The following RYR3 variants were observed in gnomAD, a reference collection of about 807,000 sequenced individuals.
RYR3 encodes brain ryanodine receptor-calcium release channel.
Under a neutral mutation model 584.3 loss-of-function variants are expected in RYR3, and 207 were observed. That is an observed-to-expected ratio of 0.35 (90% CI 0.32 to 0.40). The LOEUF (loss-of-function observed/expected upper bound fraction) is 0.40. Ranked by LOEUF, RYR3 falls within the 10% of genes least tolerant of loss-of-function variation. The pLI is 1.00. For synonymous variants in RYR3, 2,416 were observed against 2,248.5 expected (o/e 1.07, Z -2.11); for missense variants, 5,616 against 6,089.2 (o/e 0.92, Z 2.59).
chr15:33,462,606 T>C (rs1174924467), intron 1 of RYR3, among the ~76,000 whole-genome samples: 1 of 152,050 alleles, frequency 6.6e-6, no homozygotes, highest in African/African-American at 2.4e-5. Flanking sequence ...GAACCAATGA[T>C]AAATAGGAAG....
intron 12 of RYR3, among the ~76,000 whole-genome samples, chr15:33,572,904 G>A (rs144306226): frequency 0.021 from 3,135 of 152,314 alleles, 46 homozygotes; most frequent in Middle Eastern, 0.037. Flanking sequence ...AACCCAAGAG[G>A]TGGAGGTTGC....
intron 7 of RYR3, among the ~76,000 whole-genome samples, chr15:33,543,146 T>C (rs867303227): frequency 6.6e-6 from 1 of 152,154 alleles, no homozygotes; most frequent in Non-Finnish European, 1.5e-5. Context: ...TGTTGCCTTC[T>C]CCTAAAGGGT....
At chr15:33,723,834 T>C (rs945629994) in intron 44 of RYR3, among the ~76,000 whole-genome samples, 2 of 152,220 alleles carry the variant, frequency 1.3e-5, no homozygotes, top group African/African-American at 4.8e-5. Flanking sequence ...ATGTCGGTAC[T>C]CATGCCTTAA....
intron 19 of RYR3, among the ~76,000 whole-genome samples, 153 bp from the exon 20 acceptor site, chr15:33,623,654 T>C (rs1425258767): frequency 1.3e-5 from 2 of 152,224 alleles, no homozygotes; most frequent in Non-Finnish European, 2.9e-5. Flanking sequence ...TGTTACATAC[T>C]GGATGATGTT....
At chr15:33,611,697 C>T (rs941210221) in intron 18 of RYR3, among the ~76,000 whole-genome samples, 3 of 151,932 alleles carry the variant, frequency 2.0e-5, no homozygotes, top group Non-Finnish European at 2.9e-5. Context: ...CTCATTCTGT[C>T]GCCCAGGCTG....
rs540928800 is a variant in RYR3, at chr15:33,366,663, G to C, written c.51+55567G>C. Among the ~76,000 whole-genome samples, 5 of 152,298 alleles carry C rather than the reference G, an allele frequency of 3.3e-5. No homozygotes were observed. The South Asian group carries it at 1.0e-3, about 32-fold the overall frequency. On this transcript the variant is annotated intron_variant, in intron 1 of 103. Transcript: ENST00000634891. ...ATGGACAAAGATAAATCAGAGGAGG[G>C]GTTTGCTAGGAAAATGATGGGTGTT...
intron 2 of RYR3, among the ~76,000 whole-genome samples, chr15:33,489,607 A>G (rs78017496): frequency 2.0e-5 from 3 of 152,054 alleles, no homozygotes; most frequent in Non-Finnish European, 4.4e-5. Flanking sequence ...CCAATCTGCC[A>G]TGGTGAGCAT....
chr15:33,684,965 C>T (rs2064886928), intron 38 of RYR3, among the ~76,000 whole-genome samples: 1 of 152,112 alleles, frequency 6.6e-6, no homozygotes, highest in Non-Finnish European at 1.5e-5. Flanking sequence ...TGGAAAGGAA[C>T]AACCAGTACC....
chr15:33,483,787 A>T (rs375189366), intron 2 of RYR3, among the ~76,000 whole-genome samples: 1 of 152,174 alleles, frequency 6.6e-6, no homozygotes, highest in African/African-American at 2.4e-5. Context: ...TTATTAATCT[A>T]TGGTGGTTTC....
intron 1 of RYR3, among the ~76,000 whole-genome samples, chr15:33,465,301 A>G (rs1226296206): frequency 6.6e-6 from 1 of 152,186 alleles, no homozygotes; most frequent in Non-Finnish European, 1.5e-5. Flanking sequence ...ATCTATATCT[A>G]TATTCAGAAG....
At chr15:33,375,831 G>A (rs2040684366) in intron 1 of RYR3, among the ~76,000 whole-genome samples, 1 of 152,170 alleles carries the variant, frequency 6.6e-6, no homozygotes, top group Non-Finnish European at 1.5e-5. Context: ...CTGGGAGGCC[G>A]AGGCGGGCGG....
chr15:33,671,006 G>T (rs531210739), intron 38 of RYR3, among the ~76,000 whole-genome samples: 1 of 152,202 alleles, frequency 6.6e-6, no homozygotes, highest in South Asian at 2.1e-4. Context: ...TATGAGTTTG[G>T]GGGGGTTGTT....
intron 1 of RYR3, among the ~76,000 whole-genome samples, chr15:33,386,190 C>T (rs1367621185): frequency 3.3e-5 from 5 of 152,052 alleles, no homozygotes; most frequent in African/African-American, 1.2e-4. Context: ...CCAACACCAC[C>T]CCTCTTGCTT....
chr15:33,539,187 G>A (rs2055592557), intron 5 of RYR3, 163 bp from the exon 6 acceptor site: 1 of 550,608 alleles, frequency 1.8e-6, no homozygotes. Context: ...AGAGCAGATG[G>A]GGGGCTGTCT....
At chr15:33,491,703 G>A (rs1017266974) in intron 2 of RYR3, among the ~76,000 whole-genome samples, 4 of 152,170 alleles carry the variant, frequency 2.6e-5, no homozygotes, top group African/African-American at 9.7e-5. Context: ...GCAAAGCGGA[G>A]GAAGGGAGCT....
chr15:33,577,216 C>G (rs1420664424), intron 12 of RYR3, among the ~76,000 whole-genome samples: 2 of 152,102 alleles, frequency 1.3e-5, no homozygotes, highest in Non-Finnish European at 2.9e-5. Context: ...AGATTCAATG[C>G]TATTCCCATT....
chr15:33,843,378 A>AT, intron 91 of RYR3, 110 bp from the exon 92 acceptor site: 1 of 703,588 alleles, frequency 1.4e-6, no homozygotes, highest in Admixed American at 2.3e-5. Flanking sequence ...ATCAAAGAGT[A>AT]GGACGAGTCA....
intron 98 of RYR3, among the ~76,000 whole-genome samples, chr15:33,855,330 A>C (rs2079540335): frequency 6.6e-6 from 1 of 152,132 alleles, no homozygotes; most frequent in African/African-American, 2.4e-5. Context: ...CAGCCTCCAG[A>C]GTAGCTGGGA....
chr15:33,367,220 G>T (rs1293828091), intron 1 of RYR3, among the ~76,000 whole-genome samples: 1 of 152,032 alleles, frequency 6.6e-6, no homozygotes, highest in African/African-American at 2.4e-5. Flanking sequence ...CTTTCACATT[G>T]CATTTCTGAA....
Sources: gnomAD v4.1 joint callset for allele counts (sites outside exome capture counted in the v4.1 genomes callset) on GRCh38, gnomAD v4.1.1 for gene constraint, MANE v1.5 for transcripts, NCBI Gene and HGNC (gene_info 2026-07-23, HGNC 2026-07-21) for gene names.